The following MYO1D variants were observed in gnomAD, a reference collection of about 807,000 sequenced individuals.
The protein encoded by MYO1D is myosin ID, also known as unconventional myosin-Id.
A neutral mutation model predicts 122.0 loss-of-function variants in MYO1D; 83 were observed. The ratio of observed to expected loss-of-function variants is 0.68; its 90% confidence interval spans 0.57 to 0.82. The LOEUF (loss-of-function observed/expected upper bound fraction) is 0.82, where lower values mean the gene tolerates loss of function less well. MYO1D is among the 40% of genes least tolerant of loss of function. The pLI, the probability that MYO1D is intolerant of heterozygous loss-of-function variation, is 0.00. For synonymous variants in MYO1D, 464 were observed against 446.9 expected (o/e 1.04, Z -0.48); for missense variants, 1,157 against 1,269.5 (o/e 0.91, Z 1.35).
Position 32,760,468 on chromosome 17 carries a change from CTT to C in MYO1D, c.1181+12_1181+13del. On this transcript the variant is annotated intron_variant, in intron 9 of 21. Coordinates refer to ENST00000318217, the MANE Select transcript of MYO1D (RefSeq NM_015194.3). ...AAACAGGCAACAAGGTTTTAAGTAT[CTT>C]TTCCAGTTTACCTGTTGTTGTCAAA... 1 of 1,610,120 alleles carries C rather than the reference CTT, an allele frequency of 6.2e-7. No homozygotes were observed. Among genetic ancestry groups the C allele is most frequent in the South Asian group, 1.1e-5 (1 of 90,530 alleles).
chr17:32,523,267 A>G (rs1234251114), intron 21 of MYO1D: 3 of 152,516 alleles, frequency 2.0e-5, no homozygotes, highest in African/African-American at 7.2e-5. Context: ...GGGGAGGGGA[A>G]AGAGAAGAAA....
At chr17:32,819,210 T>G (rs1039001585) in intron 1 of MYO1D, among the ~76,000 whole-genome samples, 12 of 152,096 alleles carry the variant, frequency 7.9e-5, no homozygotes, top group African/African-American at 2.9e-4. Context: ...TTTCAAGTTT[T>G]TTTTTTTTTT....
At chr17:32,802,883 C>T (rs995180484) in intron 1 of MYO1D, among the ~76,000 whole-genome samples, 2 of 152,066 alleles carry the variant, frequency 1.3e-5, no homozygotes, top group African/African-American at 4.8e-5. Context: ...GGAAAGGTAC[C>T]TGCTGGTCTA....
intron 20 of MYO1D, among the ~76,000 whole-genome samples, chr17:32,613,347 A>G (rs1325450776): frequency 6.6e-6 from 1 of 152,170 alleles, no homozygotes; most frequent in Non-Finnish European, 1.5e-5. Context: ...ACAAAAACAA[A>G]CACACCCAGA....
intron 16 of MYO1D, among the ~76,000 whole-genome samples, chr17:32,662,517 C>T (rs1217433464): frequency 6.6e-6 from 1 of 152,016 alleles, no homozygotes; most frequent in Non-Finnish European, 1.5e-5. Flanking sequence ...CTAAAAAATA[C>T]AAAAAATTAG....
At chr17:32,553,000 G>A (rs1403266367) in intron 21 of MYO1D, among the ~76,000 whole-genome samples, 1 of 151,450 alleles carries the variant, frequency 6.6e-6, no homozygotes, top group East Asian at 1.9e-4. Flanking sequence ...ACTCTGGGAG[G>A]CTGAGGCAGG....
intron 16 of MYO1D, among the ~76,000 whole-genome samples, chr17:32,690,896 C>T (rs962217850): frequency 1.3e-5 from 2 of 152,100 alleles, no homozygotes; most frequent in East Asian, 1.9e-4. Flanking sequence ...AACACCATAT[C>T]CTTTAAAGTC....
chr17:32,803,144 A>G (rs892263383), intron 1 of MYO1D, among the ~76,000 whole-genome samples: 5 of 151,934 alleles, frequency 3.3e-5, no homozygotes, highest in Admixed American at 3.3e-4. Context: ...CAGAACTTCC[A>G]ATTTTTCTTT....
At chr17:32,842,529 TTC>T (rs2090893192) in intron 1 of MYO1D, among the ~76,000 whole-genome samples, 2 of 152,142 alleles carry the variant, frequency 1.3e-5, no homozygotes, top group African/African-American at 4.8e-5. Flanking sequence ...TTCGCTCTCT[TTC>T]TCTTTCTCTC....
chr17:32,528,441 A>G (rs375809605), intron 21 of MYO1D, among the ~76,000 whole-genome samples: 119 of 152,022 alleles, frequency 7.8e-4, no homozygotes, highest in African/African-American at 2.8e-3. Context: ...AGGGGTGTGT[A>G]TATGTGTGTG....
At chr17:32,805,845 T>C (rs17183453) in intron 1 of MYO1D, among the ~76,000 whole-genome samples, 62,377 of 152,022 alleles carry the variant, frequency 0.41, 13,097 homozygotes, top group East Asian at 0.54. Flanking sequence ...CTGATAGACA[T>C]AGGACCTCAA....
intron 1 of MYO1D, among the ~76,000 whole-genome samples, chr17:32,872,565 C>T (rs375728255): frequency 2.6e-5 from 4 of 151,634 alleles, no homozygotes; most frequent in Admixed American, 1.3e-4. Context: ...TGAGCCACCG[C>T]GCCCGGCCGC....
At chr17:32,636,829 T>C (rs2088106438) in intron 20 of MYO1D, among the ~76,000 whole-genome samples, 1 of 152,166 alleles carries the variant, frequency 6.6e-6, no homozygotes, top group South Asian at 2.1e-4. Flanking sequence ...CAAAGCAGGT[T>C]TGGCAGCCTG....
intron 1 of MYO1D, among the ~76,000 whole-genome samples, chr17:32,867,720 C>T (rs774985306): frequency 2.0e-5 from 3 of 150,180 alleles, no homozygotes; most frequent in Non-Finnish European, 4.4e-5. Flanking sequence ...CTGCTTGAAC[C>T]CAGGAGATGG....
At chr17:32,562,688 G>A (rs989603692) in intron 21 of MYO1D, among the ~76,000 whole-genome samples, 1 of 152,150 alleles carries the variant, frequency 6.6e-6, no homozygotes, top group African/African-American at 2.4e-5. Flanking sequence ...CTGCTATGTT[G>A]CCCAGGCTGG....
chr17:32,531,672 C>A (rs748349434), intron 21 of MYO1D, among the ~76,000 whole-genome samples: 35 of 152,186 alleles, frequency 2.3e-4, no homozygotes, highest in Non-Finnish European at 4.0e-4. Context: ...AGGCATTAAC[C>A]TTTTGTGTGC....
chr17:32,819,067 A>C lies in MYO1D; in HGVS notation c.96-38283T>G, dbSNP rs147823963. Among the ~76,000 whole-genome samples, 555 of 152,352 alleles carry C rather than the reference A, an allele frequency of 3.6e-3. 3 individuals carry two copies. The highest frequency in any genetic ancestry group is 0.012 in the African/African-American group (518 of 41,576). On this transcript the variant is annotated intron_variant, in intron 1 of 21. Transcript: ENST00000318217. ...GGAAGTTAGCAGCCGCTGAAAAGTAACTACAGATGGCTATTCACTTTACTC... is the reference window on the plus strand; with the variant it reads ...GGAAGTTAGCAGCCGCTGAAAAGTACCTACAGATGGCTATTCACTTTACTC...
intron 1 of MYO1D, among the ~76,000 whole-genome samples, chr17:32,799,332 T>G (rs1368417395): frequency 6.6e-6 from 1 of 152,146 alleles, no homozygotes; most frequent in East Asian, 1.9e-4. Context: ...GGTTGCCAAT[T>G]TAAGACAAAT....
At chr17:32,691,320 A>C (rs913013242) in intron 16 of MYO1D, among the ~76,000 whole-genome samples, 2 of 151,574 alleles carry the variant, frequency 1.3e-5, no homozygotes, top group Non-Finnish European at 2.9e-5. Context: ...CTCATAGCCA[A>C]TCGCTCTTCA....
Sources: gnomAD v4.1 joint callset for allele counts (sites outside exome capture counted in the v4.1 genomes callset) on GRCh38, gnomAD v4.1.1 for gene constraint, MANE v1.5 for transcripts, NCBI Gene and HGNC (gene_info 2026-07-23, HGNC 2026-07-21) for gene names.